The following ADGRG4 variants were observed in gnomAD, a reference collection of about 807,000 sequenced individuals.
ADGRG4 encodes G protein-coupled receptor 112.
A neutral mutation model predicts 126.2 loss-of-function variants in ADGRG4; 122 were observed. The observed-to-expected ratio is 0.97, with a 90% confidence interval of 0.83 to 1.12. The LOEUF is 1.12. Among genes scored for constraint, ADGRG4 ranks in the 50% most tolerant of loss-of-function variants. ADGRG4 has a pLI of 0.00. For missense variants in ADGRG4, 2,481 were observed against 2,251.8 expected (o/e 1.10, Z -2.06); for synonymous variants, 943 against 838.7 (o/e 1.12, Z -2.15).
At chrX:136,386,467 C>T (rs935840924) in intron 15 of ADGRG4, among the ~76,000 whole-genome samples, 2 of 111,944 alleles carry the variant, frequency 1.8e-5, no homozygotes, top group African/African-American at 6.5e-5. Flanking sequence ...GACTACAAGT[C>T]ATTTTTAGAA....
At chrX:136,350,818 G>T in intron 6 of ADGRG4, among the ~76,000 whole-genome samples, 1 of 110,515 alleles carries the variant, frequency 9.0e-6, no homozygotes, top group Non-Finnish European at 1.9e-5. Flanking sequence ...CCACACACCA[G>T]AAAACACCAG....
intron 15 of ADGRG4, among the ~76,000 whole-genome samples, chrX:136,382,122 C>G (rs1388465024): frequency 9.0e-6 from 1 of 111,258 alleles, no homozygotes; most frequent in Non-Finnish European, 1.9e-5. Flanking sequence ...CATCCCTTTT[C>G]AAGTTGAACC....
chrX:136,307,226 A>G (rs1427413837), intron 3 of ADGRG4, among the ~76,000 whole-genome samples: 1 of 112,402 alleles, frequency 8.9e-6, no homozygotes, highest in Non-Finnish European at 1.9e-5. Flanking sequence ...ATGCTTTGAA[A>G]ATTGCCTTCG....
At position 136,348,105 on chromosome X, in the gene ADGRG4, T is replaced by C; in HGVS notation, c.4399T>C (p.Ser1467Pro). 2 of 1,210,746 alleles carry C rather than the reference T, an allele frequency of 1.7e-6. No homozygotes were observed. Among genetic ancestry groups the C allele is most frequent in the Non-Finnish European group, 2.2e-6 (2 of 894,534 alleles). ...ESTQTFPESLSLSTAGLYNDG... is the reference protein window; with the variant it reads ...ESTQTFPESLPLSTAGLYNDG... The stretch of plus-strand genomic sequence containing the variant: ...CACACAGACTTTCCCTGAGTCCTTG[T>C]CTCTTTCCACAGCTGGACTATATAA... Residue 1467 changes from serine (S) to proline (P), a missense_variant, in exon 6 of 26, where the codon TCT becomes CCT. Transcript: ENST00000394143.
chrX:136,339,137 C>T (rs1380275646), intron 5 of ADGRG4, among the ~76,000 whole-genome samples: 3 of 111,156 alleles, frequency 2.7e-5, no homozygotes, highest in African/African-American at 9.8e-5. Flanking sequence ...AAATCTTGGG[C>T]TAGTTTTCGT....
chrX:136,304,549 C>T (rs180895602), intron 2 of ADGRG4, among the ~76,000 whole-genome samples: 1 of 112,259 alleles, frequency 8.9e-6, no homozygotes, highest in East Asian at 2.8e-4. Flanking sequence ...ATTAATTAAG[C>T]ACCTACTATG....
intron 17 of ADGRG4, among the ~76,000 whole-genome samples, 186 bp downstream of exon 17, chrX:136,392,540 G>T (rs1239450585): frequency 8.9e-6 from 1 of 112,055 alleles, no homozygotes; most frequent in Non-Finnish European, 1.9e-5. Context: ...TAAAGTGATA[G>T]GGAATGATGG....
At chrX:136,413,911 T>C (rs1198319945) in intron 24 of ADGRG4, among the ~76,000 whole-genome samples, 1 of 110,427 alleles carries the variant, frequency 9.1e-6, no homozygotes, top group Non-Finnish European at 1.9e-5. Context: ...CGGCTAATTT[T>C]GTATTTTTTA....
chrX:136,303,129 G>T (rs989015248), intron 1 of ADGRG4, among the ~76,000 whole-genome samples: 1 of 111,885 alleles, frequency 8.9e-6, no homozygotes, highest in Admixed American at 9.5e-5. Context: ...GAAACCATAT[G>T]GGCAATATAG....
Position 136,393,512 on chromosome X carries a change from A to G in ADGRG4, c.8035-23A>G, listed in dbSNP as rs767877574. On this transcript the variant is annotated intron_variant, in intron 17 of 25. Coordinates refer to ENST00000394143, the MANE Select transcript of ADGRG4 (RefSeq NM_153834.4). ...GTAAATATCACAAGGCAAGATGTTT[A>G]CCTCTGATTTCTTTTTTTCCAGAAT... is the stretch of plus-strand genomic sequence containing the variant. 5.1e-6 allele frequency: 6 copies of G among 1,174,420 alleles called. No homozygotes were observed. The East Asian group carries it at 1.5e-4, about 29-fold the overall frequency.
chrX:136,321,881 G>A (rs1341868786), intron 4 of ADGRG4, among the ~76,000 whole-genome samples: 1 of 112,259 alleles, frequency 8.9e-6, no homozygotes, highest in Non-Finnish European at 1.9e-5. Flanking sequence ...AAGTCATCAG[G>A]GAGAGGCTAT....
chrX:136,301,467 T>A (rs1159035047), intron 1 of ADGRG4, among the ~76,000 whole-genome samples: 30 of 112,189 alleles, frequency 2.7e-4, no homozygotes, highest in South Asian at 3.8e-4. Flanking sequence ...GTTGGAGTTC[T>A]TTGTAGATTC....
intron 22 of ADGRG4, among the ~76,000 whole-genome samples, chrX:136,403,546 G>GA (rs2075390414): frequency 8.9e-6 from 1 of 111,885 alleles, no homozygotes. Flanking sequence ...TCCTCTTCTG[G>GA]AAAATGGGGA....
chrX:136,378,417 G>A (rs1307148601), intron 15 of ADGRG4, among the ~76,000 whole-genome samples: 1 of 111,126 alleles, frequency 9.0e-6, no homozygotes, highest in Non-Finnish European at 1.9e-5. Flanking sequence ...TTCCATGTAA[G>A]CCAACATCAT....
chrX:136,343,546 G>A (rs1171163244), intron 5 of ADGRG4, among the ~76,000 whole-genome samples: 2 of 111,489 alleles, frequency 1.8e-5, no homozygotes, highest in Non-Finnish European at 3.8e-5. Flanking sequence ...AATAGGATGA[G>A]TCTAAAAATG....
In ADGRG4 at chrX:136,348,402, C is replaced by A; in HGVS notation, c.4696C>A (p.Pro1566Thr). The change falls in exon 6 of 26, where the codon CCA becomes ACA. Residue 1566 changes from proline (P) to threonine (T), a missense_variant. Pro to Thr is a conservative substitution (Grantham distance 38, BLOSUM62 -1). Transcript: ENST00000394143. ...GCCTATGTCTGAGATGTCCTCAATA[C>A]CAGTTAATAACTCTGCTTTCACACC... ...SGPMSEMSSI[P>T]VNNSAFTPAT... The A allele has an allele frequency of 8.3e-7, 1 of 1,209,179 alleles. No homozygotes were observed. The highest frequency in any genetic ancestry group is 1.1e-6 in the Non-Finnish European group (1 of 893,387).
In ADGRG4 at chrX:136,345,664, A is replaced by G; in HGVS notation, c.1958A>G (p.Glu653Gly). ...GCTGCCCATCTGTTCTCCAGCAATG[A>G]GACCATTTGGACTTCTAGGCCAGAC... ...DEAAHLFSSN[E>G]TIWTSRPDQA... Residue 653 changes from glutamate (E) to glycine (G), a missense_variant, in exon 6 of 26, where the codon GAG (glutamate) becomes GGG (glycine). Coordinates refer to ENST00000394143, the MANE Select transcript of ADGRG4 (RefSeq NM_153834.4). 8.3e-7 allele frequency: 1 copy of G among 1,211,083 alleles called. No homozygotes were observed. Among genetic ancestry groups the G allele is most frequent in the Non-Finnish European group, 1.1e-6 (1 of 894,851 alleles).
At chrX:136,340,024 C>T (rs1308946503) in intron 5 of ADGRG4, among the ~76,000 whole-genome samples, 1 of 110,499 alleles carries the variant, frequency 9.0e-6, no homozygotes, top group Non-Finnish European at 1.9e-5. Flanking sequence ...TAAAAAAAAT[C>T]CCTACCACAT....
At position 136,399,834 on chromosome X, in the gene ADGRG4, A is replaced by G. The variant is rs201926536; in HGVS notation, c.8307-14A>G. Reference sequence around the variant, plus strand: ...AACAGACTTTACCTAACAACATTGTACTTTCTCTTTTAGCAAACTTCGAAA... The same window carrying G: ...AACAGACTTTACCTAACAACATTGTGCTTTCTCTTTTAGCAAACTTCGAAA... On this transcript the variant is annotated splice_polypyrimidine_tract_variant and intron_variant, in intron 20 of 25. Coordinates refer to ENST00000394143, the MANE Select transcript of ADGRG4 (RefSeq NM_153834.4). 2.7e-4 allele frequency: 316 copies of G among 1,191,618 alleles called. No individual in the cohort carries two copies. The highest frequency in any genetic ancestry group is 3.4e-4 in the Non-Finnish European group (304 of 883,238).
Sources: allele counts gnomAD v4.1 joint callset (sites outside exome capture counted in the v4.1 genomes callset), GRCh38; gene constraint gnomAD v4.1.1; transcripts MANE v1.5; gene names NCBI Gene and HGNC (gene_info 2026-07-23, HGNC 2026-07-21).